The following SDCCAG8 variants were observed in gnomAD, a reference collection of about 807,000 sequenced individuals.
SDCCAG8 encodes the protein SHH signaling and ciliogenesis regulator SDCCAG8.
SDCCAG8 carries 74 observed loss-of-function variants against 101.8 expected under a neutral mutation model. The ratio of observed to expected loss-of-function variants is 0.73; its 90% CI spans 0.60 to 0.88. SDCCAG8 has a LOEUF of 0.88. Ranked by LOEUF, SDCCAG8 falls within the 40% of genes least tolerant of loss-of-function variation. The pLI, the probability that SDCCAG8 is intolerant of heterozygous loss-of-function variation, is 0.00. For synonymous variants in SDCCAG8, 281 were observed against 292.9 expected, an observed-to-expected ratio of 0.96 and a Z score of 0.41; for missense variants, 787 against 822.6, an observed-to-expected ratio of 0.96 and a Z score of 0.53.
At chr1:243,314,709 T>G (rs1433048106) in intron 8 of SDCCAG8, among the ~76,000 whole-genome samples, 1 of 152,140 alleles carries the variant, frequency 6.6e-6, no homozygotes, top group Admixed American at 6.5e-5. Context: ...ACACTGAGCT[T>G]TTTTGATCAT....
At chr1:243,401,740 A>G (rs1293605892) in intron 13 of SDCCAG8, among the ~76,000 whole-genome samples, 1 of 152,168 alleles carries the variant, frequency 6.6e-6, no homozygotes, top group Admixed American at 6.5e-5. Flanking sequence ...TTTACAAAAA[A>G]AAAAAAATGA....
chr1:243,446,380 C>T (rs976194130), intron 16 of SDCCAG8, among the ~76,000 whole-genome samples: 8 of 152,146 alleles, frequency 5.3e-5, no homozygotes, highest in Non-Finnish European at 1.0e-4. Context: ...GATCCTTCCA[C>T]CTCAGCCTCC....
chr1:243,316,340 G>A (rs2073228677), intron 8 of SDCCAG8, among the ~76,000 whole-genome samples: 2 of 152,196 alleles, frequency 1.3e-5, no homozygotes, highest in Non-Finnish European at 2.9e-5. Context: ...TAAATGAGAG[G>A]AGAATCTGCT....
At chr1:243,477,108 A>T (rs1662602221) in intron 16 of SDCCAG8, among the ~76,000 whole-genome samples, 1 of 152,144 alleles carries the variant, frequency 6.6e-6, no homozygotes, top group South Asian at 2.1e-4. Context: ...AATAAAGGGT[A>T]TGTTGGTATT....
chr1:243,263,694 TTA>T, intron 1 of SDCCAG8, among the ~76,000 whole-genome samples: 1 of 150,194 alleles, frequency 6.7e-6, no homozygotes, highest in African/African-American at 2.5e-5. Context: ...AGATTATCTT[TTA>T]CTCCTGGCGC....
At chr1:243,488,692 C>T (rs1389038116) in intron 16 of SDCCAG8, among the ~76,000 whole-genome samples, 1 of 152,206 alleles carries the variant, frequency 6.6e-6, no homozygotes, top group Non-Finnish European at 1.5e-5. Flanking sequence ...TGAACAATGG[C>T]GGCATTTAGG....
intron 16 of SDCCAG8, among the ~76,000 whole-genome samples, chr1:243,486,172 G>A (rs1392610233): frequency 8.5e-6 from 1 of 117,632 alleles, no homozygotes; most frequent in Non-Finnish European, 1.6e-5. Flanking sequence ...TTGTACTCCA[G>A]CCTGGGCAAC....
chr1:243,393,836 C>G (rs1168715313), intron 13 of SDCCAG8, among the ~76,000 whole-genome samples: 1 of 152,140 alleles, frequency 6.6e-6, no homozygotes, highest in African/African-American at 2.4e-5. Flanking sequence ...GTGATACAGG[C>G]ATTTCTACTT....
chr1:243,403,916 C>A (rs372399314), intron 13 of SDCCAG8, among the ~76,000 whole-genome samples: 1 of 152,338 alleles, frequency 6.6e-6, no homozygotes, highest in Non-Finnish European at 1.5e-5. Flanking sequence ...CCCCACACCC[C>A]CTACCCTGGT....
intron 12 of SDCCAG8, among the ~76,000 whole-genome samples, chr1:243,356,421 G>GGT (rs967536527): frequency 4.1e-4 from 2 of 4,908 alleles, no homozygotes; most frequent in African/African-American, 4.5e-4. Flanking sequence ...AAGTAGTGGC[G>GGT]GGGGGGTGGT....
chr1:243,381,840 G>C (rs942643219), intron 13 of SDCCAG8, among the ~76,000 whole-genome samples: 3 of 152,166 alleles, frequency 2.0e-5, no homozygotes, highest in Non-Finnish European at 4.4e-5. Context: ...TAAAAGTGAT[G>C]ATTACCACAG....
At position 243,495,983 on chromosome 1, in the gene SDCCAG8, A is replaced by G. The variant is rs562156042; in HGVS notation, c.2113-3773A>G. ...GCTTCAGAGACATGTGTTAGCTTTC[A>G]TGTCACTTGATTTCTGGCAGAGAAA... On this transcript the variant is annotated intron_variant, in intron 17 of 17. Coordinates refer to ENST00000366541, the MANE Select transcript of SDCCAG8 (RefSeq NM_006642.5). Among the ~76,000 whole-genome samples, 213 of 152,306 alleles carry G rather than the reference A, an allele frequency of 1.4e-3. 2 individuals are homozygous for G. The highest frequency in any genetic ancestry group is 2.2e-3 in the Non-Finnish European group (147 of 68,030).
At chr1:243,398,052 G>A (rs150725408) in intron 13 of SDCCAG8, among the ~76,000 whole-genome samples, 5 of 152,176 alleles carry the variant, frequency 3.3e-5, no homozygotes, top group East Asian at 1.9e-4. Flanking sequence ...AGCTATCACC[G>A]GGAAAAATGA....
rs140310017 is a variant in SDCCAG8, at chr1:243,498,678, T to G, written c.2113-1078T>G. 3.3e-4 allele frequency among the ~76,000 whole-genome samples: 50 copies of G among 152,384 alleles called. No individual in the cohort carries two copies. The East Asian group carries it at 9.6e-3, about 29-fold the overall frequency. On this transcript the variant is annotated intron_variant, in intron 17 of 17. Coordinates refer to ENST00000366541, the MANE Select transcript of SDCCAG8 (RefSeq NM_006642.5). ...CAGGCTGATGTTCATATATTTCTCT[T>G]GAATGCGGATTCAGTTTCACTCATT...
At chr1:243,304,523 G>A (rs536261788) in intron 6 of SDCCAG8, among the ~76,000 whole-genome samples, 190 bp from the exon 7 acceptor site, 6 of 152,052 alleles carry the variant, frequency 3.9e-5, no homozygotes, top group Admixed American at 6.6e-5. Flanking sequence ...ATGACTCAGC[G>A]GTTCTTTGCA....
chr1:243,341,209 G>T, intron 11 of SDCCAG8, 36 bp downstream of exon 11: 1 of 1,609,416 alleles, frequency 6.2e-7, no homozygotes, highest in Non-Finnish European at 8.5e-7. Flanking sequence ...CGTTACTTAA[G>T]GAAATATTTC....
chr1:243,306,918 TCTC>T (rs962914678), intron 7 of SDCCAG8, among the ~76,000 whole-genome samples: 1 of 152,074 alleles, frequency 6.6e-6, no homozygotes, highest in African/African-American at 2.4e-5. Context: ...GCTGTTGGCT[TCTC>T]CTCTGTGACA....
At chr1:243,438,414 A>T (rs939879787) in intron 16 of SDCCAG8, among the ~76,000 whole-genome samples, 1 of 152,102 alleles carries the variant, frequency 6.6e-6, no homozygotes, top group African/African-American at 2.4e-5. Flanking sequence ...TTTGGAATTT[A>T]CATCAGCTAG....
intron 13 of SDCCAG8, among the ~76,000 whole-genome samples, chr1:243,395,929 A>T (rs929338453): frequency 6.6e-6 from 1 of 152,100 alleles, no homozygotes; most frequent in African/African-American, 2.4e-5. Flanking sequence ...TTTACTTGAT[A>T]CAAGCATCTG....
Sources: gnomAD v4.1 joint callset for allele counts (sites outside exome capture counted in the v4.1 genomes callset) on GRCh38, gnomAD v4.1.1 for gene constraint, MANE v1.5 for transcripts, NCBI Gene and HGNC (gene_info 2026-07-23, HGNC 2026-07-21) for gene names.